The following SLC39A11 variants were observed in gnomAD, a reference collection of about 807,000 sequenced individuals.
The protein encoded by SLC39A11 is solute carrier family 39 member 11.
SLC39A11 carries 33 observed loss-of-function variants against 36.1 expected under a neutral mutation model. That is an observed-to-expected ratio of 0.91 (90% CI 0.69 to 1.22). The LOEUF (loss-of-function observed/expected upper bound fraction) is 1.22, where lower values mean the gene tolerates loss of function less well. Among genes scored for constraint, SLC39A11 ranks in the 50% most tolerant of loss-of-function variants. SLC39A11 has a pLI of 0.00. For missense variants in SLC39A11, 432 were observed against 430.3 expected, an observed-to-expected ratio of 1.00 and a Z score of -0.03; for synonymous variants, 166 against 170.3, an observed-to-expected ratio of 0.97 and a Z score of 0.20.
intron 7 of SLC39A11, among the ~76,000 whole-genome samples, chr17:72,671,234 A>G (rs1477116428): frequency 6.6e-6 from 1 of 152,306 alleles, no homozygotes; most frequent in African/African-American, 2.4e-5. Flanking sequence ...TCCCAGAACC[A>G]ATGAACTCTG....
chr17:72,996,669 G>A (rs2089526795), intron 4 of SLC39A11, among the ~76,000 whole-genome samples: 1 of 152,066 alleles, frequency 6.6e-6, no homozygotes, highest in South Asian at 2.1e-4. Context: ...TTGGATTTAT[G>A]GCCCACCCTA....
At chr17:72,774,493 T>A (rs935563218) in intron 6 of SLC39A11, among the ~76,000 whole-genome samples, 3 of 152,170 alleles carry the variant, frequency 2.0e-5, no homozygotes, top group African/African-American at 7.2e-5. Context: ...CAGAGCAGCA[T>A]GTAATTAAAC....
intron 6 of SLC39A11, among the ~76,000 whole-genome samples, chr17:72,756,948 G>A (rs2075379845): frequency 6.8e-6 from 1 of 148,140 alleles, no homozygotes; most frequent in African/African-American, 2.5e-5. Context: ...AGGAGTTTGA[G>A]ACCAGCTTGG....
intron 7 of SLC39A11, among the ~76,000 whole-genome samples, chr17:72,713,145 G>T (rs2073184106): frequency 6.6e-6 from 1 of 152,174 alleles, no homozygotes; most frequent in Non-Finnish European, 1.5e-5. Flanking sequence ...AGCCCGGGGT[G>T]ATAAGACTTA....
intron 7 of SLC39A11, among the ~76,000 whole-genome samples, chr17:72,711,232 A>G (rs1441522523): frequency 2.0e-5 from 3 of 152,362 alleles, no homozygotes; most frequent in Non-Finnish European, 2.9e-5. Context: ...GGCTGGACAC[A>G]TGGTTGCATG....
chr17:72,967,675 G>C (rs1290307543), intron 4 of SLC39A11, among the ~76,000 whole-genome samples: 1 of 152,154 alleles, frequency 6.6e-6, no homozygotes, highest in African/African-American at 2.4e-5. Context: ...AGAGGCAAAA[G>C]GTACTGATTG....
At chr17:72,912,809 C>T (rs529137939) in intron 5 of SLC39A11, among the ~76,000 whole-genome samples, 1 of 152,128 alleles carries the variant, frequency 6.6e-6, no homozygotes, top group Non-Finnish European at 1.5e-5. Context: ...TGATCTTACA[C>T]CCCAGCCCTA....
At chr17:73,004,778 T>C (rs928619184) in intron 4 of SLC39A11, among the ~76,000 whole-genome samples, 7 of 152,234 alleles carry the variant, frequency 4.6e-5, no homozygotes, top group African/African-American at 9.6e-5. Context: ...GGGGCAAAGA[T>C]GGACTGTGGT....
At chr17:72,715,276 A>G (rs762876717) in intron 7 of SLC39A11, among the ~76,000 whole-genome samples, 2 of 152,254 alleles carry the variant, frequency 1.3e-5, no homozygotes, top group Non-Finnish European at 2.9e-5. Flanking sequence ...TTACCGAATG[A>G]TTTAGCAATG....
intron 6 of SLC39A11, among the ~76,000 whole-genome samples, chr17:72,831,663 A>C (rs1449546500): frequency 1.3e-5 from 2 of 152,222 alleles, no homozygotes; most frequent in Middle Eastern, 3.2e-3. Context: ...TCCCAACTTT[A>C]TTTCATCCAT....
At position 72,647,734 on chromosome 17, in the gene SLC39A11, C is replaced by G. The variant is rs76279247; in HGVS notation, c.930-72G>C. On this transcript the variant is annotated intron_variant, in intron 9 of 9. Coordinates refer to ENST00000255559, the MANE Select transcript of SLC39A11 (RefSeq NM_139177.4). ...AGGCCACGGCTAGGCTGAAGGCATC[C>G]TCTGCAATGTCCAATTCCAAGAGAA... 7,638 of 1,172,766 alleles carry G rather than the reference C, an allele frequency of 6.5e-3. 323 individuals carry two copies. In the African/African-American group the frequency reaches 0.1, roughly 15 times the overall value. The allele number at this position is 1,172,766 out of a possible 1,614,324, so 72.6% of individuals were successfully genotyped here. A position where few individuals can be genotyped will look rare whatever the true frequency, so the allele number is the denominator to read the frequency against.
chr17:72,936,906 A>C (rs1011299033), intron 5 of SLC39A11, among the ~76,000 whole-genome samples: 1 of 152,028 alleles, frequency 6.6e-6, no homozygotes, highest in African/African-American at 2.4e-5. Flanking sequence ...ATCTGGCTGG[A>C]CTCAGAGCTC....
chr17:72,849,663 A>G lies in SLC39A11; in HGVS notation c.572T>C (p.Ile191Thr). Reference sequence around the variant, plus strand: ...AACGTTGTGTATAGTGATGGCCAAGATGAGCAGTGCGATCCTCCTCCAGCT... The same window carrying G: ...AACGTTGTGTATAGTGATGGCCAAGGTGAGCAGTGCGATCCTCCTCCAGCT... ...GSSWRRIALL[I>T]LAITIHNVPE... Residue 191 changes from isoleucine (I) to threonine (T), a missense_variant, in exon 6 of 10, where the codon ATC (isoleucine) becomes ACC (threonine). Coordinates refer to ENST00000255559, the MANE Select transcript of SLC39A11 (RefSeq NM_139177.4). The G allele has an allele frequency of 6.3e-7, 1 of 1,589,932 alleles. No individual in the cohort carries two copies. The highest frequency in any genetic ancestry group is 1.4e-5 in the African/African-American group (1 of 73,688).
At chr17:72,870,212 A>G (rs2080536061) in intron 5 of SLC39A11, among the ~76,000 whole-genome samples, 1 of 152,132 alleles carries the variant, frequency 6.6e-6, no homozygotes. Flanking sequence ...AGACAGGTGT[A>G]TGCATGTGGA....
At chr17:72,653,842 G>C (rs547364305) in intron 7 of SLC39A11, among the ~76,000 whole-genome samples, 1 of 152,152 alleles carries the variant, frequency 6.6e-6, no homozygotes, top group Non-Finnish European at 1.5e-5. Flanking sequence ...ACACTTCCCT[G>C]AGAAGTGCTT....
chr17:72,843,514 A>T (rs542355681), intron 6 of SLC39A11, among the ~76,000 whole-genome samples: 1 of 152,270 alleles, frequency 6.6e-6, no homozygotes, highest in South Asian at 2.1e-4. Flanking sequence ...ACCTCATGAA[A>T]TGAGACTCCA....
intron 4 of SLC39A11, among the ~76,000 whole-genome samples, chr17:72,998,237 T>C (rs536159632): frequency 3.3e-5 from 5 of 152,282 alleles, no homozygotes; most frequent in African/African-American, 1.2e-4. Context: ...CCATCCTCCT[T>C]TTAACGAGGA....
intron 4 of SLC39A11, among the ~76,000 whole-genome samples, chr17:72,966,173 CT>C (rs2086959891): frequency 6.6e-6 from 1 of 152,224 alleles, no homozygotes; most frequent in African/African-American, 2.4e-5. Context: ...GCTGGCACCC[CT>C]GCTGGCCTGG....
At chr17:72,657,901 G>T (rs2070210999) in intron 7 of SLC39A11, among the ~76,000 whole-genome samples, 1 of 152,220 alleles carries the variant, frequency 6.6e-6, no homozygotes, top group South Asian at 2.1e-4. Flanking sequence ...TAGAGAGCCA[G>T]CTTCCCTGAA....
Sources: gnomAD v4.1 joint callset for allele counts (sites outside exome capture counted in the v4.1 genomes callset) on GRCh38, gnomAD v4.1.1 for gene constraint, MANE v1.5 for transcripts, NCBI Gene and HGNC (gene_info 2026-07-23, HGNC 2026-07-21) for gene names.